TIAM1: variants seen among roughly 807,000 people sequenced by gnomAD.
The protein encoded by TIAM1 is rho guanine nucleotide exchange factor TIAM1.
Under a neutral mutation model 163.5 loss-of-function variants are expected in TIAM1, and 65 were observed. The ratio of observed to expected loss-of-function variants is 0.40; its 90% confidence interval spans 0.33 to 0.49. The LOEUF is 0.49. Ranked by LOEUF, TIAM1 falls within the 20% of genes least tolerant of loss-of-function variation. The pLI, the probability that TIAM1 is intolerant of heterozygous loss-of-function variation, is 0.77. For missense variants in TIAM1, 1,789 were observed against 2,044.7 expected, an observed-to-expected ratio of 0.87 and a Z score of 2.41; for synonymous variants, 833 against 810.1, an observed-to-expected ratio of 1.03 and a Z score of -0.48.
chr21:31,404,578 A>C (rs938896059), intron 2 of TIAM1, among the ~76,000 whole-genome samples: 1 of 148,964 alleles, frequency 6.7e-6, no homozygotes, highest in African/African-American at 2.5e-5. Context: ...TATATTGCCC[A>C]GTCTGGTCTG....
chr21:31,465,575 C>CTT (rs71193124), intron 1 of TIAM1, among the ~76,000 whole-genome samples: 15,174 of 145,678 alleles, frequency 0.1, 931 homozygotes, highest in East Asian at 0.14. Context: ...TAGTGATCTT[C>CTT]TTTTTTTTTT....
At chr21:31,155,774 T>A (rs946799705) in intron 16 of TIAM1, among the ~76,000 whole-genome samples, 1 of 152,220 alleles carries the variant, frequency 6.6e-6, no homozygotes, top group Non-Finnish European at 1.5e-5. Context: ...GTGCTGGGAT[T>A]ACAGGCGTGA....
chr21:31,302,155 T>G (rs928253769), intron 2 of TIAM1, among the ~76,000 whole-genome samples: 4 of 152,044 alleles, frequency 2.6e-5, no homozygotes, highest in African/African-American at 9.7e-5. Flanking sequence ...GAAAATGTTT[T>G]CATGGCATTG....
At chr21:31,125,083 G>A (rs2082142925) in intron 26 of TIAM1, among the ~76,000 whole-genome samples, 1 of 152,064 alleles carries the variant, frequency 6.6e-6, no homozygotes, top group Non-Finnish European at 1.5e-5. Context: ...CCCAAAGGCC[G>A]ACGTCTCAAC....
intron 2 of TIAM1, among the ~76,000 whole-genome samples, chr21:31,401,281 A>C (rs1253424073): frequency 6.6e-6 from 1 of 152,216 alleles, no homozygotes; most frequent in African/African-American, 2.4e-5. Context: ...GCCCCTAGTC[A>C]GTGTTAGTAA....
At chr21:31,216,713 G>A (rs1329847824) in intron 9 of TIAM1, among the ~76,000 whole-genome samples, 1 of 152,090 alleles carries the variant, frequency 6.6e-6, no homozygotes. Context: ...GCGCCCTCAC[G>A]ACATACCGAG....
intron 2 of TIAM1, among the ~76,000 whole-genome samples, chr21:31,333,168 G>A (rs2075731524): frequency 6.6e-6 from 1 of 152,182 alleles, no homozygotes; most frequent in African/African-American, 2.4e-5. Flanking sequence ...GACCACAGAG[G>A]CTAGGGTTTC....
intron 2 of TIAM1, among the ~76,000 whole-genome samples, chr21:31,289,749 T>G (rs1338384431): frequency 6.6e-6 from 1 of 152,176 alleles, no homozygotes; most frequent in Non-Finnish European, 1.5e-5. Flanking sequence ...ATAAAGGCAA[T>G]TCCTGGGGAG....
chr21:31,124,404 T>C (rs2146207400), intron 27 of TIAM1, 118 bp downstream of exon 27: 1 of 1,421,082 alleles, frequency 7.0e-7, no homozygotes, highest in Non-Finnish European at 9.3e-7. Context: ...ACCGTCCTCC[T>C]ACATCAGCCC....
rs965526584 is a variant in TIAM1 at position 31,287,274 on chromosome 21, G to T, written c.-188-10366C>A. On this transcript the variant is annotated intron_variant, in intron 2 of 27. Transcript: ENST00000541036. Reference sequence around the variant, plus strand: ...TTAGGGCTATCTAAAAACTGCTTATGAATTGTTTGGGTAAGACAGAGTATC... The same window carrying T: ...TTAGGGCTATCTAAAAACTGCTTATTAATTGTTTGGGTAAGACAGAGTATC... Among the ~76,000 whole-genome samples the T allele has an allele frequency of 4.6e-5, 7 of 152,340 alleles. No individual in the cohort carries two copies. The East Asian group carries it at 1.3e-3, about 29-fold the overall frequency.
At chr21:31,336,187 A>G (rs1484091720) in intron 2 of TIAM1, among the ~76,000 whole-genome samples, 1 of 152,232 alleles carries the variant, frequency 6.6e-6, no homozygotes, top group African/African-American at 2.4e-5. Flanking sequence ...GACTCAGCGC[A>G]CTGACTCTGC....
At chr21:31,358,598 C>G (rs1471003894) in intron 2 of TIAM1, among the ~76,000 whole-genome samples, 1 of 152,068 alleles carries the variant, frequency 6.6e-6, no homozygotes, top group Non-Finnish European at 1.5e-5. Flanking sequence ...CCATACTTGC[C>G]TTCCCTTTCC....
intron 2 of TIAM1, among the ~76,000 whole-genome samples, chr21:31,311,942 G>A (rs2074947154): frequency 6.6e-6 from 1 of 152,214 alleles, no homozygotes; most frequent in African/African-American, 2.4e-5. Context: ...GGACTAGACT[G>A]GCTAAGTCTT....
At chr21:31,258,090 A>G (rs560577790) in intron 4 of TIAM1, among the ~76,000 whole-genome samples, 2 of 151,144 alleles carry the variant, frequency 1.3e-5, no homozygotes, top group Non-Finnish European at 3.0e-5. Context: ...ATCTTCCTCA[A>G]CATGCCCTGT....
At chr21:31,455,905 G>A (rs2045080760) in intron 2 of TIAM1, among the ~76,000 whole-genome samples, 1 of 152,194 alleles carries the variant, frequency 6.6e-6, no homozygotes, top group South Asian at 2.1e-4. Flanking sequence ...GCATGATTCT[G>A]AACTAGATCC....
At chr21:31,532,488 A>C (rs1277383375) in intron 1 of TIAM1, among the ~76,000 whole-genome samples, 1 of 152,154 alleles carries the variant, frequency 6.6e-6, no homozygotes, top group Non-Finnish European at 1.5e-5. Context: ...TTTAAAGGGG[A>C]GTCAAGCAAT....
chr21:31,304,231 AAGTT>A (rs2074610350), intron 2 of TIAM1, among the ~76,000 whole-genome samples: 1 of 152,218 alleles, frequency 6.6e-6, no homozygotes, highest in African/African-American at 2.4e-5. Context: ...TTTCCTATCT[AAGTT>A]AGTATCAGAG....
chr21:31,460,328 G>C (rs143405633), intron 2 of TIAM1, among the ~76,000 whole-genome samples: 2 of 152,242 alleles, frequency 1.3e-5, no homozygotes, highest in East Asian at 3.9e-4. Flanking sequence ...CACCACTCCG[G>C]AAGTGCCACT....
At chr21:31,237,589 T>C (rs1289677328) in intron 6 of TIAM1, among the ~76,000 whole-genome samples, 2 of 152,148 alleles carry the variant, frequency 1.3e-5, no homozygotes, top group African/African-American at 4.8e-5. Flanking sequence ...GGCATATGAG[T>C]CTTTTAATAT....
Sources: allele counts gnomAD v4.1 joint callset (sites outside exome capture counted in the v4.1 genomes callset), GRCh38; gene constraint gnomAD v4.1.1; transcripts MANE v1.5; gene names NCBI Gene and HGNC (gene_info 2026-07-23, HGNC 2026-07-21).